CSMD3: variants seen among roughly 807,000 people sequenced by gnomAD.
CSMD3 encodes the protein CUB and Sushi multiple domains 3, also known as CUB and sushi domain-containing protein 3.
CSMD3 carries 177 observed loss-of-function variants against 435.2 expected under a neutral mutation model. The ratio of observed to expected loss-of-function variants is 0.41; its 90% CI spans 0.36 to 0.46. The LOEUF (loss-of-function observed/expected upper bound fraction) is 0.46. Ranked by LOEUF, CSMD3 falls within the 20% of genes least tolerant of loss-of-function variation. The pLI is 0.34. For missense variants in CSMD3, 4,265 were observed against 4,504.6 expected, an observed-to-expected ratio of 0.95 and a Z score of 1.52; for synonymous variants, 1,656 against 1,520.5, an observed-to-expected ratio of 1.09 and a Z score of -2.07.
At chr8:113,078,270 T>C (rs1224828428) in intron 5 of CSMD3, among the ~76,000 whole-genome samples, 1 of 152,166 alleles carries the variant, frequency 6.6e-6, no homozygotes, top group Admixed American at 6.5e-5. Flanking sequence ...ATATGCTATT[T>C]ATTTATTTAT....
intron 56 of CSMD3, among the ~76,000 whole-genome samples, chr8:112,290,591 C>G (rs1819666855): frequency 6.7e-6 from 1 of 148,910 alleles, no homozygotes; most frequent in African/African-American, 2.4e-5. Context: ...TTCATTAGTA[C>G]ATGAATGTTG....
intron 27 of CSMD3, among the ~76,000 whole-genome samples, chr8:112,547,345 C>T (rs561303042): frequency 6.6e-6 from 1 of 152,004 alleles, no homozygotes; most frequent in South Asian, 2.1e-4. Context: ...AATTAAAATA[C>T]CATTACCAGC....
intron 30 of CSMD3, among the ~76,000 whole-genome samples, chr8:112,496,486 C>T (rs953052224): frequency 1.1e-4 from 17 of 152,094 alleles, no homozygotes; most frequent in Middle Eastern, 3.4e-3. Context: ...ATCAGTATAT[C>T]GAAGAGATAT....
At chr8:112,710,257 T>A (rs780857945) in intron 13 of CSMD3, among the ~76,000 whole-genome samples, 17 of 152,146 alleles carry the variant, frequency 1.1e-4, no homozygotes, top group Non-Finnish European at 2.4e-4. Flanking sequence ...AACAGTGGTG[T>A]CAAGTTCTTT....
At chr8:112,617,179 C>T (rs1833723603) in intron 22 of CSMD3, among the ~76,000 whole-genome samples, 1 of 152,148 alleles carries the variant, frequency 6.6e-6, no homozygotes, top group African/African-American at 2.4e-5. Context: ...TGTGCAAAAT[C>T]TTCACAATAA....
At chr8:112,579,501 G>C (rs187395778) in intron 23 of CSMD3, among the ~76,000 whole-genome samples, 1 of 151,968 alleles carries the variant, frequency 6.6e-6, no homozygotes, top group Non-Finnish European at 1.5e-5. Flanking sequence ...AATAGTAAAA[G>C]TATTCCAATA....
chr8:112,852,506 A>G (rs917913895), intron 11 of CSMD3, among the ~76,000 whole-genome samples: 1 of 152,084 alleles, frequency 6.6e-6, no homozygotes, highest in Admixed American at 6.6e-5. Context: ...ACTGTATTTT[A>G]TTTTTATCAG....
At chr8:112,289,060 T>A (rs1819505862) in intron 57 of CSMD3, among the ~76,000 whole-genome samples, 1 of 152,066 alleles carries the variant, frequency 6.6e-6, no homozygotes, top group Non-Finnish European at 1.5e-5. Context: ...CTTGAATAGT[T>A]TCACCATTTT....
intron 7 of CSMD3, among the ~76,000 whole-genome samples, chr8:112,974,002 C>A (rs2084756010): frequency 6.6e-6 from 1 of 151,674 alleles, no homozygotes; most frequent in Admixed American, 6.6e-5. Context: ...CCACTGAATG[C>A]ATATTAAATT....
At chr8:113,084,243 A>C (rs1030356388) in intron 5 of CSMD3, among the ~76,000 whole-genome samples, 1 of 152,130 alleles carries the variant, frequency 6.6e-6, no homozygotes, top group East Asian at 1.9e-4. Context: ...ACTGATAAAA[A>C]AATTAGTAAA....
chr8:113,227,011 C>G (rs958078504), intron 3 of CSMD3, among the ~76,000 whole-genome samples: 4 of 151,518 alleles, frequency 2.6e-5, no homozygotes, highest in African/African-American at 9.7e-5. Flanking sequence ...TAGGATTATT[C>G]TATTTTACAT....
chr8:112,539,264 C>A (rs11782110), intron 27 of CSMD3: 46,951 of 152,170 alleles, frequency 0.31, 7,393 homozygotes, highest in East Asian at 0.47. Context: ...TATCATTAAT[C>A]CGGGTGATTC....
chr8:113,083,307 C>T (rs1033131555), intron 5 of CSMD3, among the ~76,000 whole-genome samples: 5 of 151,880 alleles, frequency 3.3e-5, no homozygotes, highest in African/African-American at 1.2e-4. Context: ...CAGCAGGAAC[C>T]TTATAAGCCG....
chr8:112,255,602 T>C (rs752883671), intron 61 of CSMD3, 175 bp from the exon 62 acceptor site: 8 of 613,294 alleles, frequency 1.3e-5, no homozygotes, highest in Non-Finnish European at 1.7e-5. Context: ...AAATACTGAA[T>C]TGAAAACTCA....
chr8:113,231,324 T>A (rs1314855292), intron 3 of CSMD3, among the ~76,000 whole-genome samples: 1 of 151,272 alleles, frequency 6.6e-6, no homozygotes, highest in Non-Finnish European at 1.5e-5. Flanking sequence ...TCCTACTAGA[T>A]GAAAATGTTG....
At chr8:113,284,229 GA>G (rs908013737) in intron 2 of CSMD3, among the ~76,000 whole-genome samples, 11 of 150,632 alleles carry the variant, frequency 7.3e-5, no homozygotes, top group African/African-American at 2.4e-4. Flanking sequence ...AATACTTATG[GA>G]AAAAAAAAGA....
At chr8:112,389,597 A>T (rs904186381) in intron 36 of CSMD3, among the ~76,000 whole-genome samples, 1 of 152,194 alleles carries the variant, frequency 6.6e-6, no homozygotes, top group African/African-American at 2.4e-5. Context: ...AAAACGTCTG[A>T]ACAATTATAA....
intron 27 of CSMD3, among the ~76,000 whole-genome samples, chr8:112,518,548 A>C (rs927941251): frequency 6.6e-6 from 1 of 151,922 alleles, no homozygotes; most frequent in Non-Finnish European, 1.5e-5. Flanking sequence ...AGCATCATGC[A>C]TCAAAGAATC....
chr8:113,213,418 T>C (rs749086016), intron 3 of CSMD3, among the ~76,000 whole-genome samples: 1 of 152,094 alleles, frequency 6.6e-6, no homozygotes, highest in East Asian at 1.9e-4. Flanking sequence ...TAATCAGTAG[T>C]TCAAACTGAA....
Sources: gnomAD v4.1 joint callset for allele counts (sites outside exome capture counted in the v4.1 genomes callset) on GRCh38, gnomAD v4.1.1 for gene constraint, MANE v1.5 for transcripts, NCBI Gene and HGNC (gene_info 2026-07-23, HGNC 2026-07-21) for gene names.